SGCD: variants seen among roughly 807,000 people sequenced by gnomAD.
SGCD encodes sarcoglycan delta.
A neutral mutation model predicts 36.6 loss-of-function variants in SGCD; 18 were observed. That is an observed-to-expected ratio of 0.49 (90% CI 0.34 to 0.73). The LOEUF is 0.73. Ranked by LOEUF, SGCD falls within the 30% of genes least tolerant of loss-of-function variation. The probability of loss-of-function intolerance (pLI) is 0.01; values close to 1 mark genes in which losing one functional copy is unlikely to be tolerated. For missense variants in SGCD, 387 were observed against 346.7 expected, an observed-to-expected ratio of 1.12 and a Z score of -0.92; for synonymous variants, 133 against 130.6, an observed-to-expected ratio of 1.02 and a Z score of -0.12.
chr5:156,442,310 G>A (rs1345403248), intron 3 of SGCD, among the ~76,000 whole-genome samples: 1 of 152,176 alleles, frequency 6.6e-6, no homozygotes, highest in African/African-American at 2.4e-5. Context: ...CAGAAGTCTG[G>A]CTAACAGAGT....
chr5:156,564,298 A>G (rs1003913727), intron 4 of SGCD, among the ~76,000 whole-genome samples: 2 of 152,030 alleles, frequency 1.3e-5, no homozygotes, highest in Admixed American at 1.3e-4. Flanking sequence ...AAATACAAAA[A>G]AATTAGCCGG....
At chr5:156,674,639 T>C (rs1357791805) in intron 7 of SGCD, among the ~76,000 whole-genome samples, 1 of 152,132 alleles carries the variant, frequency 6.6e-6, no homozygotes, top group Non-Finnish European at 1.5e-5. Flanking sequence ...TAAATAATAC[T>C]CAGGTCTGCT....
chr5:156,129,857 A>G (rs561484233), intron 3 of SGCD, among the ~76,000 whole-genome samples: 1 of 152,278 alleles, frequency 6.6e-6, no homozygotes, highest in East Asian at 1.9e-4. Context: ...TCCATGGTGT[A>G]TATATACAAC....
At chr5:155,977,822 G>A (rs537336980) in intron 1 of SGCD, among the ~76,000 whole-genome samples, 33 of 152,260 alleles carry the variant, frequency 2.2e-4, no homozygotes, top group Non-Finnish European at 3.2e-4. Flanking sequence ...TGGGCCGGGC[G>A]CAGTGGCTCA....
intron 6 of SGCD, among the ~76,000 whole-genome samples, chr5:156,602,605 T>A (rs11957615): frequency 6.6e-6 from 1 of 152,118 alleles, no homozygotes; most frequent in Non-Finnish European, 1.5e-5. Context: ...CTTTATTGTG[T>A]TGAGGTACCT....
At chr5:155,931,644 T>G (rs1757099637) in intron 1 of SGCD, among the ~76,000 whole-genome samples, 1 of 152,230 alleles carries the variant, frequency 6.6e-6, no homozygotes, top group Non-Finnish European at 1.5e-5. Context: ...TAAGCAAGTA[T>G]TCTTAGCATT....
At chr5:155,792,033 C>T in the SGCD span, among the ~76,000 whole-genome samples, 1 of 152,074 alleles carries the variant, frequency 6.6e-6, no homozygotes, top group Admixed American at 6.6e-5. Context: ...ATAACCAAAA[C>T]AACATGATGC....
chr5:156,378,301 C>T (rs1390290483), intron 3 of SGCD, among the ~76,000 whole-genome samples: 1 of 152,066 alleles, frequency 6.6e-6, no homozygotes, highest in African/African-American at 2.4e-5. Context: ...AGTCACATTG[C>T]TAGAGAAGGA....
At chr5:155,763,944 T>C in the SGCD span, among the ~76,000 whole-genome samples, 1 of 136,420 alleles carries the variant, frequency 7.3e-6, no homozygotes, top group Non-Finnish European at 1.7e-5. Flanking sequence ...CAAACAAGAA[T>C]TCTTCTAGTA....
At chr5:155,738,884 T>A in the SGCD span, among the ~76,000 whole-genome samples, 1 of 134,464 alleles carries the variant, frequency 7.4e-6, no homozygotes, top group Non-Finnish European at 1.5e-5. Context: ...TGAGAGAGAG[T>A]GTGTGTGAGT....
intron 2 of SGCD, among the ~76,000 whole-genome samples, chr5:156,123,388 C>T (rs569230815): frequency 6.6e-6 from 1 of 151,928 alleles, no homozygotes; most frequent in Non-Finnish European, 1.5e-5. Context: ...GGCCAGTGGT[C>T]GCAGTAAGAT....
At chr5:156,638,424 T>C (rs1172669205) in intron 6 of SGCD, among the ~76,000 whole-genome samples, 1 of 152,190 alleles carries the variant, frequency 6.6e-6, no homozygotes, top group East Asian at 1.9e-4. Flanking sequence ...ATTCACCTCA[T>C]TCTTAGGACA....
the SGCD span, among the ~76,000 whole-genome samples, chr5:155,840,097 T>A: frequency 2.8e-5 from 4 of 144,860 alleles, no homozygotes; most frequent in African/African-American, 1.0e-4. Flanking sequence ...TTTTTTTTTT[T>A]ACTTAACAAT....
At chr5:155,826,681 C>G in the SGCD span, among the ~76,000 whole-genome samples, 2 of 152,184 alleles carry the variant, frequency 1.3e-5, no homozygotes, top group Non-Finnish European at 1.5e-5. Context: ...TTGAAGAACC[C>G]TAAATGAAGT....
At chr5:156,388,427 G>A (rs921290438) in intron 3 of SGCD, among the ~76,000 whole-genome samples, 3 of 152,256 alleles carry the variant, frequency 2.0e-5, no homozygotes, top group Non-Finnish European at 4.4e-5. Flanking sequence ...GTTCTGATAT[G>A]GGCAGTAATC....
chr5:156,169,954 T>A (rs1763303921), intron 3 of SGCD, among the ~76,000 whole-genome samples: 1 of 152,092 alleles, frequency 6.6e-6, no homozygotes, highest in Non-Finnish European at 1.5e-5. Flanking sequence ...GCCATGGAAG[T>A]CTCTGGGTGT....
intron 3 of SGCD, among the ~76,000 whole-genome samples, chr5:156,182,306 G>T (rs569552647): frequency 6.6e-6 from 1 of 151,988 alleles, no homozygotes; most frequent in East Asian, 1.9e-4. Context: ...CAGAAAATAA[G>T]CTGGGCTGGG....
At chr5:156,207,975 C>T (rs534465554) in intron 3 of SGCD, among the ~76,000 whole-genome samples, 3 of 152,174 alleles carry the variant, frequency 2.0e-5, no homozygotes, top group Admixed American at 6.5e-5. Context: ...TTATGTAAAA[C>T]CATGTCTTTA....
chr5:156,608,827 T>G (rs1423670439), intron 6 of SGCD, among the ~76,000 whole-genome samples: 1 of 152,172 alleles, frequency 6.6e-6, no homozygotes, highest in East Asian at 1.9e-4. Context: ...TTGATCTTTG[T>G]TGGTTTAAAG....
Sources: allele counts gnomAD v4.1 joint callset (sites outside exome capture counted in the v4.1 genomes callset), GRCh38; gene constraint gnomAD v4.1.1; transcripts MANE v1.5; gene names NCBI Gene and HGNC (gene_info 2026-07-23, HGNC 2026-07-21).